ADGRL2: variants seen among roughly 807,000 people sequenced by gnomAD.
ADGRL2 encodes adhesion G protein-coupled receptor L2, also known as calcium-independent alpha-latrotoxin receptor 2.
A neutral mutation model predicts 157.4 loss-of-function variants in ADGRL2; 44 were observed. The ratio of observed to expected loss-of-function variants is 0.28; its 90% CI spans 0.22 to 0.36. The LOEUF (loss-of-function observed/expected upper bound fraction) is 0.36, where lower values mean the gene tolerates loss of function less well. Ranked by LOEUF, ADGRL2 falls within the 10% of genes least tolerant of loss-of-function variation. The pLI is 1.00. For missense variants in ADGRL2, 1,510 were observed against 1,768.9 expected (o/e 0.85, Z 2.63); for synonymous variants, 585 against 624.7 (o/e 0.94, Z 0.95).
rs144362706 is a variant in ADGRL2 at position 81,331,238 on chromosome 1, A to C, written c.-302+24729A>C. 6.3e-4 allele frequency among the ~76,000 whole-genome samples: 96 copies of C among 152,304 alleles called. 1 individual carries two copies. The highest frequency in any genetic ancestry group is 2.1e-3 in the African/African-American group (89 of 41,586). ...ACAGTATGAAATTTTCTAACTAAAAAGAAATATGCAAGAATGCAAAAGATG... is the reference window on the plus strand; with the variant it reads ...ACAGTATGAAATTTTCTAACTAAAACGAAATATGCAAGAATGCAAAAGATG... On this transcript the variant is annotated intron_variant, in intron 1 of 24. Coordinates refer to the ADGRL2 transcript ENST00000370721.
intron 1 of ADGRL2, among the ~76,000 whole-genome samples, chr1:81,406,786 A>G (rs945471950): frequency 2.6e-5 from 4 of 152,136 alleles, no homozygotes; most frequent in African/African-American, 9.7e-5. Context: ...CCAATCAGCA[A>G]CATCTGCGAT....
exon 1 of ADGRL2, chr1:81,306,371 A>G (rs1659338800): frequency 1.3e-5 from 2 of 152,118 alleles, no homozygotes; most frequent in Admixed American, 6.6e-5. Context: ...CGCTCCTCCC[A>G]TTATATTTTT....
At chr1:81,557,509 G>GAAAGAA (rs1557459218) in intron 2 of ADGRL2, 3 of 135,334 alleles carry the variant, frequency 2.2e-5, no homozygotes, top group African/African-American at 8.2e-5. Flanking sequence ...AAGAAAGAAA[G>GAAAGAA]AAAGAAAGAA....
chr1:81,730,573 C>T (rs1385212659), intron 1 of ADGRL2, among the ~76,000 whole-genome samples: 16 of 151,892 alleles, frequency 1.1e-4, no homozygotes, highest in Non-Finnish European at 1.3e-4. Context: ...AATTACAAAA[C>T]TTAGCCGGGT....
chr1:81,704,362 A>G (rs976049721), intron 1 of ADGRL2, among the ~76,000 whole-genome samples: 1 of 152,204 alleles, frequency 6.6e-6, no homozygotes, highest in African/African-American at 2.4e-5. Flanking sequence ...AGCATAGCAC[A>G]TCAGTCACTA....
upstream of ADGRL2, among the ~76,000 whole-genome samples, chr1:81,797,641 A>T (rs1394939766): frequency 2.0e-5 from 3 of 152,154 alleles, no homozygotes; most frequent in Admixed American, 2.0e-4. Flanking sequence ...TGTTATTCTT[A>T]TGTATATTTT....
At chr1:81,902,614 A>G (rs975446974) in intron 2 of ADGRL2, among the ~76,000 whole-genome samples, 3 of 151,934 alleles carry the variant, frequency 2.0e-5, no homozygotes, top group Non-Finnish European at 4.4e-5. Context: ...TCAGAAAACA[A>G]AGGGTGGGGG....
chr1:81,896,239 T>C (rs969207950), intron 2 of ADGRL2, among the ~76,000 whole-genome samples: 1 of 152,172 alleles, frequency 6.6e-6, no homozygotes, highest in South Asian at 2.1e-4. Context: ...GCTAGGACAA[T>C]GCGAATGACT....
chr1:81,648,303 T>G (rs533593412), intron 3 of ADGRL2, among the ~76,000 whole-genome samples: 1 of 152,148 alleles, frequency 6.6e-6, no homozygotes, highest in Non-Finnish European at 1.5e-5. Context: ...CCTCAATTTA[T>G]AGATTGGAAA....
intron 1 of ADGRL2, among the ~76,000 whole-genome samples, chr1:81,383,943 G>C (rs2101066734): frequency 7.4e-6 from 1 of 135,870 alleles, no homozygotes; most frequent in Non-Finnish European, 1.6e-5. Context: ...AACAGAGCAA[G>C]ACTCTGTCTC....
chr1:81,374,578 G>GAAAAAAAAAAAAAAAAAAA (rs71242588), intron 1 of ADGRL2, among the ~76,000 whole-genome samples: 4 of 130,254 alleles, frequency 3.1e-5, no homozygotes, highest in African/African-American at 6.0e-5. Flanking sequence ...TCTCAAAAAA[G>GAAAAAAAAAAAAAAAAAAA]AAAAAAAAAA....
intron 1 of ADGRL2, among the ~76,000 whole-genome samples, chr1:81,403,947 A>G (rs1243275400): frequency 2.0e-5 from 3 of 151,824 alleles, no homozygotes; most frequent in African/African-American, 7.3e-5. Context: ...ACAGGTGCGC[A>G]CCACCACACC....
chr1:81,496,669 G>GA (rs11315453), intron 2 of ADGRL2, among the ~76,000 whole-genome samples: 10,982 of 142,738 alleles, frequency 0.077, 492 homozygotes, highest in East Asian at 0.19. Flanking sequence ...AGCTGTTGAG[G>GA]AAAAAAAAAA....
intron 1 of ADGRL2, among the ~76,000 whole-genome samples, chr1:81,746,643 G>A (rs1394950722): frequency 1.3e-5 from 2 of 152,096 alleles, no homozygotes; most frequent in East Asian, 3.9e-4. Flanking sequence ...AAGCCTCTGA[G>A]AATGAATTAG....
intron 4 of ADGRL2, among the ~76,000 whole-genome samples, chr1:81,940,300 G>C (rs1293187737): frequency 6.6e-6 from 1 of 151,562 alleles, no homozygotes; most frequent in Non-Finnish European, 1.5e-5. Flanking sequence ...TAGTCACAAC[G>C]CTAATGATTT....
chr1:81,356,518 G>T (rs77937198), intron 1 of ADGRL2, among the ~76,000 whole-genome samples: 5,985 of 152,090 alleles, frequency 0.039, 156 homozygotes, highest in Middle Eastern at 0.11. Flanking sequence ...AAGTGAGAAG[G>T]TCTCATCCTC....
chr1:81,464,976 CAA>C (rs1303590712), intron 2 of ADGRL2, among the ~76,000 whole-genome samples: 7 of 150,006 alleles, frequency 4.7e-5, no homozygotes, highest in Admixed American at 4.7e-4. Context: ...GAATACTTGA[CAA>C]AGTGTAGGAC....
At chr1:81,543,363 A>T (rs1265187818) in intron 2 of ADGRL2, among the ~76,000 whole-genome samples, 1 of 152,098 alleles carries the variant, frequency 6.6e-6, no homozygotes, top group Non-Finnish European at 1.5e-5. Flanking sequence ...AGAAGGCATT[A>T]TCTATGAAGA....
At chr1:81,623,803 A>G (rs952932740) in intron 3 of ADGRL2, among the ~76,000 whole-genome samples, 4 of 151,848 alleles carry the variant, frequency 2.6e-5, no homozygotes, top group Admixed American at 2.6e-4. Flanking sequence ...CAGCTGGCTA[A>G]TTTTTGTATT....
Sources: allele counts gnomAD v4.1 joint callset (sites outside exome capture counted in the v4.1 genomes callset), GRCh38; gene constraint gnomAD v4.1.1; transcripts MANE v1.5; gene names NCBI Gene and HGNC (gene_info 2026-07-23, HGNC 2026-07-21).